C1QTNF3: variants seen among roughly 807,000 people sequenced by gnomAD.
The protein encoded by C1QTNF3 is complement C1q tumor necrosis factor-related protein 3.
In C1QTNF3, 26 loss-of-function variants were observed where a neutral mutation model predicts 32.6. That is an observed-to-expected ratio of 0.80 (90% CI 0.58 to 1.11). The LOEUF (loss-of-function observed/expected upper bound fraction) is 1.11, where lower values mean the gene tolerates loss of function less well. C1QTNF3 is among the 50% of genes least tolerant of loss of function. The pLI is 0.00. For missense variants in C1QTNF3, 362 were observed against 398.2 expected (o/e 0.91, Z 0.77); for synonymous variants, 155 against 146.0 (o/e 1.06, Z -0.44).
chr5:34,067,006 T>C, the C1QTNF3 span, among the ~76,000 whole-genome samples: 100,044 of 151,728 alleles, frequency 0.66, 33,370 homozygotes, highest in African/African-American at 0.72. Context: ...CCTAAATCAT[T>C]TCTCTCAAGT....
At chr5:34,226,602 A>T in the C1QTNF3 span, among the ~76,000 whole-genome samples, 3 of 151,380 alleles carry the variant, frequency 2.0e-5, no homozygotes, top group Non-Finnish European at 4.4e-5. Flanking sequence ...TCAATTGTAC[A>T]GTTGACTCCT....
chr5:34,148,098 C>A, the C1QTNF3 span, among the ~76,000 whole-genome samples: 1 of 150,790 alleles, frequency 6.6e-6, no homozygotes, highest in South Asian at 2.1e-4. Flanking sequence ...GGGTGACGGA[C>A]GCACCTGGAA....
At chr5:34,057,091 C>T in the C1QTNF3 span, among the ~76,000 whole-genome samples, 1 of 152,170 alleles carries the variant, frequency 6.6e-6, no homozygotes, top group Admixed American at 6.5e-5. Context: ...AAATTTCCAA[C>T]TGTACATCCA....
the C1QTNF3 span, among the ~76,000 whole-genome samples, chr5:34,079,489 G>GT: frequency 6.6e-6 from 1 of 151,338 alleles, no homozygotes; most frequent in African/African-American, 2.5e-5. Flanking sequence ...TATTATCTTT[G>GT]TTTTTTTATT....
chr5:34,148,058 C>T, the C1QTNF3 span, among the ~76,000 whole-genome samples: 1,994 of 151,840 alleles, frequency 0.013, 23 homozygotes, highest in South Asian at 0.032. Context: ...CGCAAGGGGT[C>T]AGGGAGTTCC....
the C1QTNF3 span, among the ~76,000 whole-genome samples, chr5:34,114,094 T>C: frequency 5.3e-5 from 8 of 152,230 alleles, no homozygotes; most frequent in South Asian, 2.1e-4. Flanking sequence ...TGAATAGCTC[T>C]GTTAGGCATT....
upstream of C1QTNF3, among the ~76,000 whole-genome samples, chr5:34,044,494 G>C (rs1754950171): frequency 6.6e-6 from 1 of 152,070 alleles, no homozygotes; most frequent in Non-Finnish European, 1.5e-5. Flanking sequence ...GGGGAAAGGG[G>C]AGAGGAGAGA....
At chr5:34,048,307 A>C in the C1QTNF3 span, among the ~76,000 whole-genome samples, 1 of 151,430 alleles carries the variant, frequency 6.6e-6, no homozygotes. Flanking sequence ...AGAGAGAGAG[A>C]GAGAGAGAGA....
At chr5:34,052,137 T>C in the C1QTNF3 span, among the ~76,000 whole-genome samples, 1,021 of 151,538 alleles carry the variant, frequency 6.7e-3, 11 homozygotes, top group South Asian at 0.046. Flanking sequence ...GACCGCGTCT[T>C]AAAAAAAAAT....
At chr5:34,241,720 T>G in the C1QTNF3 span, among the ~76,000 whole-genome samples, 4 of 151,332 alleles carry the variant, frequency 2.6e-5, no homozygotes, top group African/African-American at 9.7e-5. Context: ...CTGGGCAACA[T>G]AGTGGAACCT....
chr5:34,117,183 TTC>T, the C1QTNF3 span, among the ~76,000 whole-genome samples: 1 of 152,192 alleles, frequency 6.6e-6, no homozygotes, highest in Non-Finnish European at 1.5e-5. Context: ...GTCTTTGCAC[TTC>T]TGTTTCCTTT....
chr5:34,221,421 C>T, the C1QTNF3 span, among the ~76,000 whole-genome samples: 1 of 151,884 alleles, frequency 6.6e-6, no homozygotes, highest in Non-Finnish European at 1.5e-5. Flanking sequence ...TTAAATAGAA[C>T]AAACTATTTG....
chr5:34,035,612 C>A (rs779593608), intron 2 of C1QTNF3, 35 bp downstream of exon 2: 1 of 1,455,368 alleles, frequency 6.9e-7, no homozygotes, highest in Non-Finnish European at 9.6e-7. Context: ...GCTCAGGCTG[C>A]AATTAGATTG....
chr5:34,091,423 G>GTTC, the C1QTNF3 span, among the ~76,000 whole-genome samples: 1 of 152,140 alleles, frequency 6.6e-6, no homozygotes, highest in Non-Finnish European at 1.5e-5. Context: ...ACCACTACTA[G>GTTC]TTCTTCTTCT....
the C1QTNF3 span, among the ~76,000 whole-genome samples, chr5:34,084,336 T>C: frequency 2.6e-5 from 4 of 151,778 alleles, no homozygotes; most frequent in African/African-American, 9.7e-5. Context: ...TTAGGAAAGT[T>C]TGTATATTGA....
chr5:34,132,584 T>A, the C1QTNF3 span, among the ~76,000 whole-genome samples: 7 of 151,996 alleles, frequency 4.6e-5, no homozygotes, highest in African/African-American at 1.5e-4. Flanking sequence ...CATAAATGCC[T>A]GTATACTTAT....
At chr5:34,183,322 A>ATTTTTTTTTTT in the C1QTNF3 span, among the ~76,000 whole-genome samples, 73 of 129,194 alleles carry the variant, frequency 5.7e-4, no homozygotes, top group African/African-American at 1.1e-3. Flanking sequence ...TAATTTTTTA[A>ATTTTTTTTTTT]TTTTCTTTTT....
the C1QTNF3 span, chr5:34,219,776 G>T: frequency 6.6e-6 from 1 of 152,070 alleles, no homozygotes; most frequent in African/African-American, 2.4e-5. Flanking sequence ...TGCCTAGTCA[G>T]GCAAAACTTG....
upstream of C1QTNF3, chr5:34,043,235 GT>G: frequency 8.4e-7 from 1 of 1,195,750 alleles, no homozygotes. Flanking sequence ...CGGCGGAGTG[GT>G]TTTATACTTT....
Sources: allele counts gnomAD v4.1 joint callset (sites outside exome capture counted in the v4.1 genomes callset), GRCh38; gene constraint gnomAD v4.1.1; transcripts MANE v1.5; gene names NCBI Gene and HGNC (gene_info 2026-07-23, HGNC 2026-07-21).